The following CNIH2 variants were observed in gnomAD, a reference collection of about 807,000 sequenced individuals.
The protein encoded by CNIH2 is protein cornichon homolog 2.
CNIH2 carries 8 observed loss-of-function variants against 22.9 expected under a neutral mutation model. The ratio of observed to expected loss-of-function variants is 0.35; its 90% CI spans 0.20 to 0.63. The LOEUF (loss-of-function observed/expected upper bound fraction) is 0.63. Among genes scored for constraint, CNIH2 ranks in the 30% least tolerant of loss-of-function variants. CNIH2 has a pLI of 0.72. For synonymous variants in CNIH2, 74 were observed against 78.2 expected (o/e 0.95, Z 0.28); for missense variants, 105 against 206.2 (o/e 0.51, Z 3.01).
chr11:66,278,763 C>T (rs1420116145), intron 1 of CNIH2, among the ~76,000 whole-genome samples: 1 of 150,142 alleles, frequency 6.7e-6, no homozygotes, highest in Non-Finnish European at 1.5e-5. Flanking sequence ...CAGTCGGTCT[C>T]TGACCCCCTC....
chr11:66,282,429 G>GGGGGTTGGGGGGGGGGGGGGGGGGGGC, intron 2 of CNIH2, 102 bp downstream of exon 2: 1 of 479,464 alleles, frequency 2.1e-6, no homozygotes, highest in East Asian at 5.8e-5. Flanking sequence ...GGGGTGGGGG[G>GGGGGTTGGGGGGGGGGGGGGGGGGGGC]CCTACGGCCA....
In CNIH2 at chr11:66,283,119, A is replaced by G. The variant is rs1857288577; in HGVS notation, c.283A>G (p.Ile95Val). Residue 95 changes from isoleucine (I) to valine (V), a missense_variant, in exon 4 of 6, where the codon ATC (isoleucine) becomes GTC (valine). Transcript: ENST00000311445. ...AGAGTGGGTGACCCTGGGCCTCAAC[A>G]TCCCCCTCCTCTTCTACCACCTCTG... The part of the protein sequence containing the change: ...AAEWVTLGLN[I>V]PLLFYHLWRY... The G allele has an allele frequency of 1.2e-6, 2 of 1,613,800 alleles. No homozygotes were observed. The highest frequency in any genetic ancestry group is 1.7e-6 in the Non-Finnish European group (2 of 1,179,928).
At chr11:66,278,918 C>A (rs1236217573) in intron 1 of CNIH2, among the ~76,000 whole-genome samples, 3 of 88,342 alleles carry the variant, frequency 3.4e-5, no homozygotes, top group South Asian at 5.4e-4. Context: ...GTCTGCTGCC[C>A]CCCCCCCCCC....
intron 3 of CNIH2, 68 bp downstream of exon 3, chr11:66,282,848 C>A (rs1447727148): frequency 6.5e-7 from 1 of 1,542,882 alleles, no homozygotes; most frequent in African/African-American, 1.4e-5. Flanking sequence ...TGGCCCAGAA[C>A]CAGGCCTTCC....
chr11:66,282,409 A>C, intron 2 of CNIH2, 82 bp downstream of exon 2: 3 of 220,378 alleles, frequency 1.4e-5, no homozygotes, highest in Non-Finnish European at 2.7e-5. Flanking sequence ...GGAGACGGGA[A>C]GACGGGGGTG....
chr11:66,282,574 G>A lies in CNIH2; in HGVS notation c.151-159G>A, dbSNP rs1857276048. ...ACGCGGGTGAAGGCCCTTCCATGGT[G>A]ACGGTCGCCATGGGGACGGCGCGGC... On this transcript the variant is annotated intron_variant, in intron 2 of 5. Coordinates refer to ENST00000311445, the MANE Select transcript of CNIH2 (RefSeq NM_182553.3). 4 of 912,184 alleles carry A rather than the reference G, an allele frequency of 4.4e-6. No individual in the cohort carries two copies. The African/African-American group carries it at 6.7e-5, about 15-fold the overall frequency. 56.5% of individuals were successfully genotyped at this position (912,184 alleles called of 1,614,324 possible). A position where few individuals can be genotyped will look rare whatever the true frequency, so the allele number is the denominator to read the frequency against.
intron 1 of CNIH2, among the ~76,000 whole-genome samples, chr11:66,280,833 G>T (rs1221064279): frequency 6.6e-6 from 1 of 152,124 alleles, no homozygotes; most frequent in Non-Finnish European, 1.5e-5. Context: ...TCTCTGAGCC[G>T]TCTGGGGCCT....
rs746664018 is a variant in CNIH2, at chr11:66,278,421, C to T, written c.-36C>T. The T allele has an allele frequency of 9.3e-7, 1 of 1,072,306 alleles. No homozygotes were observed. The highest frequency in any genetic ancestry group is 1.1e-6 in the Non-Finnish European group (1 of 871,644). 66.4% of individuals were successfully genotyped at this position (1,072,306 alleles called of 1,614,324 possible). ...CGTCCCCTTGCGCCCGGGCCCCGCG[C>T]TGGCGCCCCCCGGGCCGCCGCCCGG... On this transcript the variant is annotated 5_prime_UTR_variant, in exon 1 of 6. Coordinates refer to ENST00000311445, the MANE Select transcript of CNIH2 (RefSeq NM_182553.3).
intron 3 of CNIH2, 72 bp downstream of exon 3, chr11:66,282,852 G>A: frequency 6.5e-6 from 10 of 1,535,130 alleles, no homozygotes; most frequent in Non-Finnish European, 8.9e-6. Context: ...CCAGAACCAG[G>A]CCTTCCCCTG....
In CNIH2 at chr11:66,278,438, G is replaced by T; in HGVS notation, c.-19G>T. On this transcript the variant is annotated 5_prime_UTR_variant, in exon 1 of 6. Coordinates refer to ENST00000311445, the MANE Select transcript of CNIH2 (RefSeq NM_182553.3). The stretch of plus-strand genomic sequence containing the variant: ...GCCCCGCGCTGGCGCCCCCCGGGCC[G>T]CCGCCCGGCGCGGGGGCCATGGCGT... 8.2e-7 allele frequency: 1 copy of T among 1,213,468 alleles called. No homozygotes were observed. 75.2% of individuals were successfully genotyped at this position (1,213,468 alleles called of 1,614,324 possible). A position where few individuals can be genotyped will look rare whatever the true frequency, so the allele number is the denominator to read the frequency against.
intron 1 of CNIH2, among the ~76,000 whole-genome samples, chr11:66,279,157 CCT>C (rs920453307): frequency 5.5e-4 from 83 of 151,502 alleles, no homozygotes; most frequent in Non-Finnish European, 1.0e-4. Context: ...CCCCAGGTTT[CCT>C]CTCCATTTTC....
In CNIH2 at chr11:66,283,363, C is replaced by T. The variant is rs374485183; in HGVS notation, c.427C>T (p.Leu143=). The stretch of plus-strand genomic sequence containing the variant: ...GTCCTGGTGCAAACTTGCCTTCTAC[C>T]TGCTCTCCTTCTTCTATTACCTGTA... The part of the protein sequence containing the change: ...KESWCKLAFY[L]LSFFYYLYSM... Residue 143 remains leucine (L), a synonymous_variant, in exon 5 of 6, where the codon CTG becomes TTG. Transcript: ENST00000311445. 3.1e-6 allele frequency: 5 copies of T among 1,614,196 alleles called. No homozygotes were observed. The Admixed American group carries it at 5.0e-5, about 16-fold the overall frequency.
At chr11:66,280,014 C>T (rs560337826) in intron 1 of CNIH2, among the ~76,000 whole-genome samples, 2 of 152,328 alleles carry the variant, frequency 1.3e-5, no homozygotes, top group South Asian at 4.1e-4. Context: ...CAGAGCTGAC[C>T]AGCTCCTGGG....
In CNIH2 at chr11:66,283,347, C is replaced by G. The variant is rs1474486139; in HGVS notation, c.411C>G (p.Cys137Trp). 6.2e-7 allele frequency: 1 copy of G among 1,614,166 alleles called. No individual in the cohort carries two copies. The highest frequency in any genetic ancestry group is 8.5e-7 in the Non-Finnish European group (1 of 1,180,010). ...ACTACTGCCAGAAGGAGTCCTGGTG[C>G]AAACTTGCCTTCTACCTGCTCTCCT... ...ILNYCQKESW[C>W]KLAFYLLSFF... The change falls in exon 5 of 6, where the codon TGC becomes TGG. Residue 137 changes from cysteine (C) to tryptophan (W), a missense_variant. By Grantham distance (215) the Cys-to-Trp change is radical. Transcript: ENST00000311445.
chr11:66,284,161 C>A lies in CNIH2; in HGVS notation c.*564C>A. ...TGTCGCCTGGAGGAGTCCGGCACCC[C>A]CTCCCCGGCCATTTGTGACAAAATA... is the stretch of plus-strand genomic sequence containing the variant. On this transcript the variant is annotated 3_prime_UTR_variant, in exon 6 of 6. Transcript: ENST00000311445. 1 of 180,200 alleles carries A rather than the reference C, an allele frequency of 5.5e-6. No homozygotes were observed. The highest frequency in any genetic ancestry group is 1.2e-4 in the South Asian group (1 of 8,314). 11.2% of individuals were successfully genotyped at this position (180,200 alleles called of 1,614,324 possible).
chr11:66,278,273 C>G lies in CNIH2; in HGVS notation c.-184C>G, dbSNP rs568414993. On this transcript the variant is annotated 5_prime_UTR_variant, in exon 1 of 6. Transcript: ENST00000311445. ...GGGCAGCCGGCAGCGGACGCGCCCC[C>G]CGAGCCCACCGGCCCGCGCCCCGCG... is the stretch of plus-strand genomic sequence containing the variant. The G allele has an allele frequency of 6.8e-6, 1 of 147,572 alleles. No individual in the cohort carries two copies. The highest frequency in any genetic ancestry group is 2.4e-5 in the African/African-American group (1 of 40,930). 9.1% of individuals were successfully genotyped at this position (147,572 alleles called of 1,614,324 possible).
chr11:66,279,823 C>A (rs1393552088), intron 1 of CNIH2, among the ~76,000 whole-genome samples: 1 of 152,348 alleles, frequency 6.6e-6, no homozygotes, highest in East Asian at 1.9e-4. Context: ...TCAGCACACA[C>A]CCCAGCTCCA....
At chr11:66,283,168 G>A (rs781230148) in intron 4 of CNIH2, 21 bp downstream of exon 4, 1 of 1,613,582 alleles carries the variant, frequency 6.2e-7, no homozygotes, top group East Asian at 2.2e-5. Context: ...CAGCTGCCTT[G>A]GGGAGGCTGA....
intron 1 of CNIH2, chr11:66,281,478 A>G (rs1331097012): frequency 2.2e-6 from 1 of 456,104 alleles, no homozygotes; most frequent in Admixed American, 2.3e-5. Context: ...TGCCCCACCA[A>G]TCCTGAGACA....
Sources: allele counts gnomAD v4.1 joint callset (sites outside exome capture counted in the v4.1 genomes callset), GRCh38; gene constraint gnomAD v4.1.1; transcripts MANE v1.5; gene names NCBI Gene and HGNC (gene_info 2026-07-23, HGNC 2026-07-21).